NBAS: variants seen among roughly 807,000 people sequenced by gnomAD.
NBAS encodes NAG/BC035112 fusion.
Under a neutral mutation model 302.5 loss-of-function variants are expected in NBAS, and 219 were observed. The ratio of observed to expected loss-of-function variants is 0.72; its 90% confidence interval spans 0.65 to 0.81. The LOEUF is 0.81. Ranked by LOEUF, NBAS falls within the 30% of genes least tolerant of loss-of-function variation. The pLI, the probability that NBAS is intolerant of heterozygous loss-of-function variation, is 0.00. For synonymous variants in NBAS, 1,118 were observed against 1,021.6 expected (o/e 1.09, Z -1.80); for missense variants, 2,932 against 2,841.6 (o/e 1.03, Z -0.72).
At chr2:15,284,286 G>C (rs1669947161) in intron 42 of NBAS, among the ~76,000 whole-genome samples, 1 of 152,056 alleles carries the variant, frequency 6.6e-6, no homozygotes, top group African/African-American at 2.4e-5. Context: ...AGATACTACA[G>C]GTTAGATATC....
At chr2:14,956,753 A>AC in the NBAS span, among the ~76,000 whole-genome samples, 2 of 151,310 alleles carry the variant, frequency 1.3e-5, no homozygotes, top group South Asian at 4.2e-4. Context: ...AGGGAAAACC[A>AC]CCCCCCAAGA....
intron 44 of NBAS, among the ~76,000 whole-genome samples, chr2:15,273,119 A>G (rs1669405048): frequency 6.6e-6 from 1 of 152,126 alleles, no homozygotes. Context: ...CACATAAAAT[A>G]TTTAAAACAA....
intron 35 of NBAS, among the ~76,000 whole-genome samples, chr2:15,337,862 C>G (rs1358791975): frequency 6.6e-6 from 1 of 152,156 alleles, no homozygotes; most frequent in Admixed American, 6.5e-5. Context: ...GCAAAACTTA[C>G]CCCCGAAATG....
chr2:15,078,095 T>C, the NBAS span, among the ~76,000 whole-genome samples: 1 of 152,160 alleles, frequency 6.6e-6, no homozygotes, highest in African/African-American at 2.4e-5. Context: ...GCCAAGCATA[T>C]GCAAAGCCCC....
At chr2:15,351,669 T>C (rs1341221017) in intron 35 of NBAS, among the ~76,000 whole-genome samples, 1 of 151,694 alleles carries the variant, frequency 6.6e-6, no homozygotes, top group Non-Finnish European at 1.5e-5. Context: ...AGAGTGAGAC[T>C]CCATAGAAAA....
the NBAS span, among the ~76,000 whole-genome samples, chr2:15,155,747 C>T: frequency 2.0e-5 from 3 of 152,198 alleles, no homozygotes; most frequent in Non-Finnish European, 4.4e-5. Context: ...CCTTCGTCTT[C>T]CTGCAGAAGT....
At chr2:15,277,206 C>G in intron 42 of NBAS, 105 bp from the exon 43 acceptor site, 1 of 1,404,616 alleles carries the variant, frequency 7.1e-7, no homozygotes. Flanking sequence ...CTCCCTTCTT[C>G]CTGCCTACTC....
the NBAS span, among the ~76,000 whole-genome samples, chr2:14,885,091 A>G: frequency 2.6e-5 from 4 of 152,200 alleles, no homozygotes; most frequent in Non-Finnish European, 5.9e-5. Flanking sequence ...AGCAGTCATG[A>G]AAGACTCTTA....
intron 32 of NBAS, among the ~76,000 whole-genome samples, chr2:15,363,657 A>G (rs1048688781): frequency 6.6e-6 from 1 of 152,200 alleles, no homozygotes; most frequent in Non-Finnish European, 1.5e-5. Flanking sequence ...ATAAAGGACA[A>G]AGAAGGAACT....
At chr2:15,447,267 T>C (rs531975829) in intron 21 of NBAS, among the ~76,000 whole-genome samples, 72 of 152,328 alleles carry the variant, frequency 4.7e-4, no homozygotes, top group African/African-American at 1.5e-3. Context: ...TTATATGTTG[T>C]TCATAAATAA....
intron 40 of NBAS, among the ~76,000 whole-genome samples, chr2:15,297,640 G>C (rs183734858): frequency 6.6e-6 from 1 of 152,304 alleles, no homozygotes; most frequent in Admixed American, 6.5e-5. Context: ...TTCCTGTTAA[G>C]CCTGTGGAGC....
At chr2:15,046,823 T>C in the NBAS span, among the ~76,000 whole-genome samples, 1 of 152,144 alleles carries the variant, frequency 6.6e-6, no homozygotes, top group African/African-American at 2.4e-5. Flanking sequence ...TTAGTAAATG[T>C]TCCCCAGGTG....
the NBAS span, among the ~76,000 whole-genome samples, chr2:14,991,846 C>T: frequency 6.6e-6 from 1 of 152,344 alleles, no homozygotes; most frequent in East Asian, 1.9e-4. Flanking sequence ...ATTTAGCATT[C>T]TCCAAATTCC....
intron 48 of NBAS, among the ~76,000 whole-genome samples, chr2:15,204,725 T>C (rs1263794230): frequency 6.6e-6 from 1 of 152,194 alleles, no homozygotes. Flanking sequence ...TGGATGAAGC[T>C]AGAAACTATC....
intron 42 of NBAS, among the ~76,000 whole-genome samples, chr2:15,281,276 A>G (rs987249749): frequency 7.2e-5 from 11 of 152,200 alleles, no homozygotes; most frequent in African/African-American, 2.7e-4. Context: ...TTGTTTATAT[A>G]CTTCATATTA....
chr2:15,324,313 C>G (rs896336752), intron 38 of NBAS, among the ~76,000 whole-genome samples: 3 of 152,188 alleles, frequency 2.0e-5, no homozygotes, highest in African/African-American at 7.2e-5. Flanking sequence ...AGCCTACTAT[C>G]GCTTCATCTC....
chr2:15,346,414 T>C (rs1408697124), intron 35 of NBAS, among the ~76,000 whole-genome samples: 7 of 152,156 alleles, frequency 4.6e-5, no homozygotes, highest in Non-Finnish European at 1.0e-4. Flanking sequence ...TTAACATCAC[T>C]GGTCATTAGA....
chr2:15,080,819 G>A, the NBAS span, among the ~76,000 whole-genome samples: 94 of 152,314 alleles, frequency 6.2e-4, no homozygotes, highest in African/African-American at 2.2e-3. Context: ...CTGGGGGGAT[G>A]GAGCTCTCAG....
the NBAS span, among the ~76,000 whole-genome samples, chr2:14,888,711 T>A: frequency 6.6e-6 from 1 of 152,212 alleles, no homozygotes; most frequent in Non-Finnish European, 1.5e-5. Flanking sequence ...ATGAAAGTCA[T>A]AACATAACCC....
Sources: allele counts gnomAD v4.1 joint callset (sites outside exome capture counted in the v4.1 genomes callset), GRCh38; gene constraint gnomAD v4.1.1; transcripts MANE v1.5; gene names NCBI Gene and HGNC (gene_info 2026-07-23, HGNC 2026-07-21).